The following G3BP2 variants were observed in gnomAD, a reference collection of about 807,000 sequenced individuals.
The protein encoded by G3BP2 is G3BP stress granule assembly factor 2.
Under a neutral mutation model 56.7 loss-of-function variants are expected in G3BP2, and 11 were observed. That is an observed-to-expected ratio of 0.19 (90% confidence interval 0.12 to 0.32). G3BP2 has a LOEUF of 0.32. G3BP2 is among the 10% of genes least tolerant of loss of function. G3BP2 has a pLI of 1.00. For missense variants in G3BP2, 340 were observed against 610.9 expected (o/e 0.56, Z 4.67); for synonymous variants, 165 against 191.6 (o/e 0.86, Z 1.15).
chr4:75,681,785 G>T (rs1160961377), intron 3 of G3BP2, among the ~76,000 whole-genome samples: 3 of 149,520 alleles, frequency 2.0e-5, no homozygotes, highest in Non-Finnish European at 4.4e-5. Flanking sequence ...GGAGGCGGAG[G>T]TTGCAGTGAG....
chr4:75,654,836 C>T (rs1731964464), intron 7 of G3BP2: 11 of 493,630 alleles, frequency 2.2e-5, no homozygotes, highest in Non-Finnish European at 3.9e-5. Context: ...CTAAACAATG[C>T]ATACAGACAA....
intron 3 of G3BP2, among the ~76,000 whole-genome samples, chr4:75,720,052 C>A (rs1021438589): frequency 2.6e-5 from 1 of 38,652 alleles, no homozygotes; most frequent in African/African-American, 1.2e-4. Flanking sequence ...GGTCTCACTC[C>A]GTCACCTGGG....
chr4:75,723,740 G>A (rs72855778), intron 1 of G3BP2, among the ~76,000 whole-genome samples: 2 of 152,170 alleles, frequency 1.3e-5, no homozygotes, highest in Middle Eastern at 3.4e-3. Context: ...GAGACCTGTG[G>A]GGAATCCAAG....
At chr4:75,700,368 G>T (rs1402865333) in intron 3 of G3BP2, among the ~76,000 whole-genome samples, 1 of 127,354 alleles carries the variant, frequency 7.9e-6, no homozygotes, top group Non-Finnish European at 1.7e-5. Context: ...GCTTAATTTA[G>T]CATAGGAAAA....
At chr4:75,703,230 A>C (rs561376841) in intron 3 of G3BP2, among the ~76,000 whole-genome samples, 1 of 152,308 alleles carries the variant, frequency 6.6e-6, no homozygotes, top group South Asian at 2.1e-4. Flanking sequence ...CAAATGATCA[A>C]ACACGAGTGT....
upstream of G3BP2, among the ~76,000 whole-genome samples, chr4:75,675,198 T>G (rs1733822937): frequency 6.6e-6 from 1 of 152,182 alleles, no homozygotes; most frequent in South Asian, 2.1e-4. Context: ...TTGTACTAAT[T>G]GCCGCAATTC....
intron 3 of G3BP2, among the ~76,000 whole-genome samples, chr4:75,700,064 T>A (rs1044114361): frequency 7.9e-5 from 12 of 151,702 alleles, no homozygotes; most frequent in African/African-American, 2.9e-4. Context: ...TGATATGAAT[T>A]TTTTTTTTGA....
chr4:75,682,798 G>A (rs771629303), intron 3 of G3BP2, among the ~76,000 whole-genome samples: 3 of 152,096 alleles, frequency 2.0e-5, no homozygotes, highest in East Asian at 1.9e-4. Context: ...TGGCCAACAC[G>A]GTGAAACCCC....
At chr4:75,676,732 G>A (rs529166062), upstream of G3BP2, among the ~76,000 whole-genome samples, 1 of 152,292 alleles carries the variant, frequency 6.6e-6, no homozygotes, top group South Asian at 2.1e-4. Context: ...TGGCCTCAAT[G>A]CTTCCACTCT....
chr4:75,685,741 A>G (rs1012722209), intron 3 of G3BP2, among the ~76,000 whole-genome samples: 25 of 152,238 alleles, frequency 1.6e-4, no homozygotes, highest in African/African-American at 5.5e-4. Flanking sequence ...ATTTTTAGAC[A>G]GTATGGTCAT....
chr4:75,716,167 C>T (rs1719919202), intron 3 of G3BP2, among the ~76,000 whole-genome samples: 1 of 152,052 alleles, frequency 6.6e-6, no homozygotes, highest in African/African-American at 2.4e-5. Context: ...TGGAGCTTTT[C>T]TAGTTCTTTT....
intron 3 of G3BP2, among the ~76,000 whole-genome samples, chr4:75,687,833 C>A (rs554827363): frequency 2.0e-5 from 3 of 152,310 alleles, no homozygotes; most frequent in Admixed American, 1.3e-4. Flanking sequence ...AATAACTGAG[C>A]CCCTGGCCTG....
chr4:75,646,941 A>T (rs558614499), intron 10 of G3BP2, 88 bp downstream of exon 10: 34 of 764,564 alleles, frequency 4.4e-5, no homozygotes, highest in African/African-American at 1.4e-4. Context: ...AGAAACATTT[A>T]AAAAAAATAG....
chr4:75,666,598 G>A (rs1214231688), intron 1 of G3BP2, among the ~76,000 whole-genome samples: 1 of 152,108 alleles, frequency 6.6e-6, no homozygotes, highest in East Asian at 1.9e-4. Context: ...CAAACAACGT[G>A]GTTTGGGTAT....
At chr4:75,645,726 T>C in intron 11 of G3BP2, 24 bp from the exon 12 acceptor site, 1 of 1,604,716 alleles carries the variant, frequency 6.2e-7, no homozygotes, top group Non-Finnish European at 8.5e-7. Flanking sequence ...AAGAAAAATA[T>C]TTACATGGGC....
At chr4:75,670,155 G>C (rs1733374275) in intron 1 of G3BP2, among the ~76,000 whole-genome samples, 1 of 152,170 alleles carries the variant, frequency 6.6e-6, no homozygotes, top group Non-Finnish European at 1.5e-5. Context: ...CTAAGACACA[G>C]CTTATCTCCA....
At chr4:75,663,025 A>G (rs1024157770) in intron 1 of G3BP2, among the ~76,000 whole-genome samples, 1 of 152,312 alleles carries the variant, frequency 6.6e-6, no homozygotes, top group Middle Eastern at 3.4e-3. Context: ...TTTACCTTTG[A>G]TATTATGTCT....
chr4:75,660,810 G>T (rs530696372), intron 2 of G3BP2, among the ~76,000 whole-genome samples: 4 of 152,062 alleles, frequency 2.6e-5, no homozygotes, highest in East Asian at 1.9e-4. Context: ...TCTAATTCTT[G>T]TAAGAGTTTC....
chr4:75,685,330 GTC>G (rs961192687), intron 3 of G3BP2, among the ~76,000 whole-genome samples: 2 of 151,812 alleles, frequency 1.3e-5, no homozygotes, highest in Non-Finnish European at 2.9e-5. Flanking sequence ...GTGAAACCCT[GTC>G]TCTACTAAAA....
Sources: allele counts gnomAD v4.1 joint callset (sites outside exome capture counted in the v4.1 genomes callset), GRCh38; gene constraint gnomAD v4.1.1; transcripts MANE v1.5; gene names NCBI Gene and HGNC (gene_info 2026-07-23, HGNC 2026-07-21).